The following GRID1 variants were observed in gnomAD, a reference collection of about 807,000 sequenced individuals.
GRID1 encodes glutamate ionotropic receptor delta type subunit 1.
In GRID1, 28 loss-of-function variants were observed where a neutral mutation model predicts 98.0. The ratio of observed to expected loss-of-function variants is 0.29; its 90% CI spans 0.21 to 0.39. GRID1 has a LOEUF of 0.39. GRID1 is among the 10% of genes least tolerant of loss of function. The pLI is 1.00. For missense variants in GRID1, 1,111 were observed against 1,340.5 expected (o/e 0.83, Z 2.67); for synonymous variants, 553 against 538.5 (o/e 1.03, Z -0.37).
chr10:85,742,229 T>C (rs751038074), intron 8 of GRID1, among the ~76,000 whole-genome samples: 61 of 152,190 alleles, frequency 4.0e-4, no homozygotes, highest in South Asian at 8.3e-4. Flanking sequence ...AACTAGTTGA[T>C]GGATAGTTCT....
At chr10:85,683,076 C>T (rs1158274018) in intron 12 of GRID1, among the ~76,000 whole-genome samples, 1 of 152,182 alleles carries the variant, frequency 6.6e-6, no homozygotes, top group Non-Finnish European at 1.5e-5. Context: ...CAGTAGCCCT[C>T]GCACTCAGCT....
At chr10:85,628,873 A>G (rs1319355233) in intron 13 of GRID1, among the ~76,000 whole-genome samples, 11 of 152,194 alleles carry the variant, frequency 7.2e-5, no homozygotes, top group Non-Finnish European at 1.5e-4. Context: ...GAGTTGACAC[A>G]ACCAAAGGGG....
At chr10:85,821,177 T>C (rs1346313606) in intron 8 of GRID1, among the ~76,000 whole-genome samples, 1 of 151,864 alleles carries the variant, frequency 6.6e-6, no homozygotes, top group Non-Finnish European at 1.5e-5. Context: ...AATTATATAT[T>C]ATATTTACAT....
At chr10:85,730,585 T>A (rs1841811368) in intron 8 of GRID1, among the ~76,000 whole-genome samples, 1 of 152,156 alleles carries the variant, frequency 6.6e-6, no homozygotes, top group Admixed American at 6.5e-5. Flanking sequence ...TGGCTGCATA[T>A]TAGTATCTTT....
chr10:86,049,424 A>G (rs939897168), intron 4 of GRID1, among the ~76,000 whole-genome samples: 2 of 152,216 alleles, frequency 1.3e-5, no homozygotes, highest in Admixed American at 6.5e-5. Flanking sequence ...TATTTCCTGA[A>G]TAAGAATAAC....
rs76609479 is a variant in GRID1, at chr10:85,865,955, G to A, written c.951+3055C>T. On this transcript the variant is annotated intron_variant, in intron 6 of 15. Transcript: ENST00000327946. Reference sequence around the variant, plus strand: ...TATATATATATATACACATATATATGGAGAGAGAGAGAGAGAGAGAGAGAG... The same window carrying A: ...TATATATATATATACACATATATATAGAGAGAGAGAGAGAGAGAGAGAGAG... Among the ~76,000 whole-genome samples the A allele has an allele frequency of 2.5e-3, 209 of 84,644 alleles. 3 individuals carry two copies. The highest frequency in any genetic ancestry group is 6.8e-3 in the Middle Eastern group (1 of 148). 55.5% of individuals were successfully genotyped at this position (84,644 alleles called of 152,430 possible).
At chr10:86,094,191 A>G (rs1183084827) in intron 4 of GRID1, among the ~76,000 whole-genome samples, 1 of 152,218 alleles carries the variant, frequency 6.6e-6, no homozygotes, top group South Asian at 2.1e-4. Context: ...TACAAGGGAC[A>G]TACCTTAATG....
chr10:85,618,371 T>C (rs905848010), intron 14 of GRID1, among the ~76,000 whole-genome samples: 69 of 152,174 alleles, frequency 4.5e-4, no homozygotes, highest in African/African-American at 1.7e-3. Context: ...TGTGGAATCA[T>C]CCTGAGCCTC....
intron 12 of GRID1, among the ~76,000 whole-genome samples, chr10:85,720,206 T>A (rs958421103): frequency 2.0e-5 from 3 of 152,216 alleles, no homozygotes; most frequent in Non-Finnish European, 2.9e-5. Flanking sequence ...TTATTAATTA[T>A]TAAATGGGAA....
intron 5 of GRID1, among the ~76,000 whole-genome samples, chr10:85,877,142 G>A (rs1843341921): frequency 6.6e-6 from 1 of 152,254 alleles, no homozygotes; most frequent in Non-Finnish European, 1.5e-5. Flanking sequence ...AGCTCAGGGA[G>A]GCCTGCCTGC....
chr10:85,723,348 C>G (rs574785965), intron 11 of GRID1, among the ~76,000 whole-genome samples: 1 of 152,090 alleles, frequency 6.6e-6, no homozygotes, highest in Non-Finnish European at 1.5e-5. Context: ...GGCAGAGGAC[C>G]ACAAAATATG....
At position 86,087,510 on chromosome 10, in the gene GRID1, C is replaced by CTGTGTGTGTGTG. The variant is rs60644459; in HGVS notation, c.726+51297_726+51308dup. The stretch of plus-strand genomic sequence containing the variant: ...AGAAGATCCAAGTGTGTGTGTGTGT[C>CTGTGTGTGTGTG]TGTGTGTGTGTGTGTGTGTGTGTGT... On this transcript the variant is annotated intron_variant, in intron 4 of 15. Coordinates refer to ENST00000327946, the MANE Select transcript of GRID1 (RefSeq NM_017551.3). Among the ~76,000 whole-genome samples, 658 of 140,954 alleles carry CTGTGTGTGTGTG rather than the reference C, an allele frequency of 4.7e-3. 3 individuals are homozygous for CTGTGTGTGTGTG. Among genetic ancestry groups the CTGTGTGTGTGTG allele is most frequent in the Middle Eastern group, 0.027 (7 of 256 alleles). The allele number at this position is 140,954 out of a possible 152,430, so 92.5% of individuals were successfully genotyped here. A position where few individuals can be genotyped will look rare whatever the true frequency, so the allele number is the denominator to read the frequency against.
intron 4 of GRID1, among the ~76,000 whole-genome samples, chr10:86,042,883 C>A (rs944302936): frequency 6.6e-6 from 1 of 152,078 alleles, no homozygotes; most frequent in African/African-American, 2.4e-5. Context: ...CCCAGGAGTT[C>A]AAGATCAGCC....
chr10:86,110,270 G>C (rs373357680), intron 4 of GRID1, among the ~76,000 whole-genome samples: 1 of 152,070 alleles, frequency 6.6e-6, no homozygotes, highest in Non-Finnish European at 1.5e-5. Context: ...CACCGCCCCC[G>C]GCCTTCCATT....
chr10:86,061,342 T>C (rs1037583942), intron 4 of GRID1, among the ~76,000 whole-genome samples: 13 of 152,148 alleles, frequency 8.5e-5, no homozygotes, highest in Non-Finnish European at 1.3e-4. Flanking sequence ...CCTCTGACTC[T>C]TCCCTCTTCC....
chr10:86,171,708 AC>A (rs532610713), intron 3 of GRID1, among the ~76,000 whole-genome samples: 53 of 152,336 alleles, frequency 3.5e-4, no homozygotes, highest in Admixed American at 2.5e-3. Context: ...TGAATAATCT[AC>A]TTTAGGGCCA....
chr10:85,992,520 C>A (rs1190946630), intron 4 of GRID1, among the ~76,000 whole-genome samples: 1 of 150,568 alleles, frequency 6.6e-6, no homozygotes, highest in East Asian at 2.0e-4. Context: ...GGTCACTGGG[C>A]ATGAGCCAGA....
chr10:85,838,976 A>G (rs1483725634), intron 8 of GRID1, among the ~76,000 whole-genome samples: 1 of 152,212 alleles, frequency 6.6e-6, no homozygotes, highest in Non-Finnish European at 1.5e-5. Flanking sequence ...GGAAACAGAA[A>G]AAAGCAGAGG....
intron 8 of GRID1, among the ~76,000 whole-genome samples, chr10:85,832,613 C>T (rs945772012): frequency 3.3e-5 from 5 of 152,050 alleles, no homozygotes; most frequent in African/African-American, 7.2e-5. Context: ...GGAAATAATG[C>T]AAAAGGCAAT....
Sources: allele counts gnomAD v4.1 joint callset (sites outside exome capture counted in the v4.1 genomes callset), GRCh38; gene constraint gnomAD v4.1.1; transcripts MANE v1.5; gene names NCBI Gene and HGNC (gene_info 2026-07-23, HGNC 2026-07-21).